The following ACOT9 variants were observed in gnomAD, a reference collection of about 807,000 sequenced individuals.
ACOT9 encodes the protein acyl-CoA thioesterase 9.
In ACOT9, 34 loss-of-function variants were observed where a neutral mutation model predicts 39.7. The observed-to-expected ratio is 0.86, with a 90% CI of 0.65 to 1.14. The LOEUF (loss-of-function observed/expected upper bound fraction) is 1.14. Ranked by LOEUF, ACOT9 falls within the 50% of genes most tolerant of loss-of-function variation. The pLI is 0.00. For missense variants in ACOT9, 313 were observed against 344.1 expected, an observed-to-expected ratio of 0.91 and a Z score of 0.71; for synonymous variants, 110 against 120.5, an observed-to-expected ratio of 0.91 and a Z score of 0.57.
intron 12 of ACOT9, 40 bp downstream of exon 12, chrX:23,705,728 G>A (rs752144686): frequency 8.7e-6 from 10 of 1,150,161 alleles, no homozygotes; most frequent in South Asian, 3.6e-5. Context: ...TATCATGAAC[G>A]GAAGCTATCC....
Position 23,701,342 on chromosome X carries a change from T to C in ACOT9, c.*2552A>G, listed in dbSNP as rs904112244. Among the ~76,000 whole-genome samples the C allele has an allele frequency of 9.0e-6, 1 of 111,270 alleles. No homozygotes were observed. Among genetic ancestry groups the C allele is most frequent in the Non-Finnish European group, 1.9e-5 (1 of 53,077 alleles). The stretch of plus-strand genomic sequence containing the variant: ...TGGCATTACGGCATGGAGAGACAAG[T>C]TATTATAGTACAGCACATGCTTGAT... On this transcript the variant is annotated 3_prime_UTR_variant, in exon 16 of 16. Coordinates refer to ENST00000379303, the MANE Select transcript of ACOT9 (RefSeq NM_001037171.2).
In ACOT9 at chrX:23,730,568, T is replaced by C; in HGVS notation, c.363-4A>G. The C allele has an allele frequency of 8.3e-7, 1 of 1,204,506 alleles. No individual in the cohort carries two copies. The highest frequency in any genetic ancestry group is 3.0e-5 in the East Asian group (1 of 33,804). On this transcript the variant is annotated splice_polypyrimidine_tract_variant and splice_region_variant and intron_variant, in intron 5 of 15. Transcript: ENST00000379303. ...ATCCTCAAGAATCCTGCCAAATCTG[T>C]GAAATAAAGCAAACAGTGAATTAAA...
At chrX:23,718,270 A>G (rs931327401) in intron 8 of ACOT9, among the ~76,000 whole-genome samples, 10 of 111,738 alleles carry the variant, frequency 8.9e-5, no homozygotes, top group Non-Finnish European at 5.6e-5. Flanking sequence ...CCACAGCCAC[A>G]TGACTAGGAA....
intron 3 of ACOT9, among the ~76,000 whole-genome samples, 181 bp from the exon 4 acceptor site, chrX:23,733,398 A>G (rs1929825018): frequency 8.9e-6 from 1 of 111,893 alleles, no homozygotes; most frequent in Non-Finnish European, 1.9e-5. Flanking sequence ...GCTCCCTAAA[A>G]ACCTGAAAGA....
At chrX:23,731,089 G>C (rs1020391104) in intron 4 of ACOT9, 103 bp from the exon 5 acceptor site, 1 of 657,384 alleles carries the variant, frequency 1.5e-6, no homozygotes, top group Non-Finnish European at 2.2e-6. Context: ...GAAAAAGAAG[G>C]TCTGGGCCTA....
chrX:23,725,379 G>A (rs1418342954), intron 6 of ACOT9, among the ~76,000 whole-genome samples: 1 of 103,233 alleles, frequency 9.7e-6, no homozygotes, highest in African/African-American at 3.6e-5. Context: ...GCTGAGGCAG[G>A]AGAACTGCTC....
chrX:23,727,008 C>T (rs746707018), intron 6 of ACOT9, among the ~76,000 whole-genome samples: 21 of 111,758 alleles, frequency 1.9e-4, no homozygotes, highest in African/African-American at 6.2e-4. Flanking sequence ...TTAGTAGAGA[C>T]GGGGTTTCAC....
intron 6 of ACOT9, among the ~76,000 whole-genome samples, chrX:23,727,270 T>C (rs766259462): frequency 9.0e-6 from 1 of 111,722 alleles, no homozygotes; most frequent in Non-Finnish European, 1.9e-5. Flanking sequence ...GTGAACAGGT[T>C]AAAGGGACTG....
chrX:23,731,813 T>C (rs894634840), intron 4 of ACOT9, among the ~76,000 whole-genome samples: 1 of 108,455 alleles, frequency 9.2e-6, no homozygotes, highest in African/African-American at 3.4e-5. Flanking sequence ...GAACAAAAGG[T>C]AAAGAAGAAC....
Position 23,707,900 on chromosome X carries a change from T to G in ACOT9, c.707A>C (p.Glu236Ala). ...ACATTCCCCTTGTCTAAAGAGCTCC[T>G]CTTCCTCTGGGCTTTCAGGGATGAG... is the stretch of plus-strand genomic sequence containing the variant. ...NPLIPESPEE[E>A]ELFRQGELNK... The change falls in exon 10 of 16, where the codon GAG becomes GCG. Residue 236 changes from glutamate to alanine, a missense_variant. Coordinates refer to ENST00000379303, the MANE Select transcript of ACOT9 (RefSeq NM_001037171.2). 8.3e-7 allele frequency: 1 copy of G among 1,203,504 alleles called. No individual in the cohort carries two copies. The highest frequency in any genetic ancestry group is 1.1e-6 in the Non-Finnish European group (1 of 891,227).
rs1052466974 is a variant in ACOT9, at chrX:23,722,682, C to T, written c.472G>A (p.Val158Met). Residue 158 changes from valine (V) to methionine (M), a missense_variant, in exon 7 of 16, where the codon GTG becomes ATG. Physicochemically the swap from Val to Met is conservative, Grantham distance 21. Coordinates refer to ENST00000379303, the MANE Select transcript of ACOT9 (RefSeq NM_001037171.2). ...TGATATCACTTACCAATCTTATCCA[C>T]CAGGGCTGTAACTATCGATAAAGGA... ...MSPLSIVTAL[V>M]DKIDMCKKSL... 1.7e-6 allele frequency: 2 copies of T among 1,187,105 alleles called. No homozygotes were observed. The highest frequency in any genetic ancestry group is 2.2e-5 in the Admixed American group (1 of 44,814).
intron 9 of ACOT9, 45 bp from the exon 10 acceptor site, chrX:23,707,989 T>C (rs1569190213): frequency 9.2e-7 from 1 of 1,087,563 alleles, no homozygotes; most frequent in East Asian, 3.1e-5. Context: ...TATGCCATTA[T>C]CTAATAAAAC....
In ACOT9 at chrX:23,736,017, C is replaced by G. The variant is rs1256335274; in HGVS notation, c.21-1G>C. On this transcript the variant is annotated splice_acceptor_variant, in intron 1 of 15. Coordinates refer to ENST00000379303, the MANE Select transcript of ACOT9 (RefSeq NM_001037171.2). LOFTEE classifies it high-confidence loss of function. Reference sequence around the variant, plus strand: ...CTGCCCTTTGCCCAAGGCACAAAGCCTATAAAACAAGATAAAACACAGAGC... The same window carrying G: ...CTGCCCTTTGCCCAAGGCACAAAGCGTATAAAACAAGATAAAACACAGAGC... The G allele has an allele frequency of 1.7e-6, 2 of 1,204,408 alleles. No homozygotes were observed. The highest frequency in any genetic ancestry group is 2.2e-6 in the Non-Finnish European group (2 of 891,073).
rs34401071 is a variant in ACOT9, at chrX:23,723,599, CAAAA to C, written c.401-850_401-847del. Among the ~76,000 whole-genome samples, 239 of 54,371 alleles carry C rather than the reference CAAAA, an allele frequency of 4.4e-3. 2 individuals carry two copies. Among genetic ancestry groups the C allele is most frequent in the Middle Eastern group, 0.01 (1 of 98 alleles). 47.2% of individuals were successfully genotyped at this position (54,371 alleles called of 115,157 possible). Reference sequence around the variant, plus strand: ...GCCTGGCAACAGAGCAAGACTGTCTCAAAAAAAAAAAAAAAAAAAAAAAAGTTGT... The same window carrying C: ...GCCTGGCAACAGAGCAAGACTGTCTCAAAAAAAAAAAAAAAAAAAAGTTGT... On this transcript the variant is annotated intron_variant, in intron 6 of 15. Coordinates refer to ENST00000379303, the MANE Select transcript of ACOT9 (RefSeq NM_001037171.2).
intron 5 of ACOT9, 51 bp downstream of exon 5, chrX:23,730,765 G>A: frequency 9.0e-7 from 1 of 1,107,266 alleles, no homozygotes; most frequent in Non-Finnish European, 1.2e-6. Context: ...TTTCAAAATT[G>A]TTATAAAACA....
chrX:23,737,550 T>A (rs776472432), intron 1 of ACOT9, among the ~76,000 whole-genome samples: 22 of 112,303 alleles, frequency 2.0e-4, no homozygotes, highest in Admixed American at 1.6e-3. Context: ...TTCTGTAAAA[T>A]CTACATGCAG....
chrX:23,706,321 A>T (rs1159826539), intron 11 of ACOT9, among the ~76,000 whole-genome samples: 1 of 109,444 alleles, frequency 9.1e-6, no homozygotes, highest in Non-Finnish European at 1.9e-5. Flanking sequence ...GCACTTTGGG[A>T]GGTGGAGACA....
chrX:23,716,338 T>A (rs968411438), intron 8 of ACOT9, among the ~76,000 whole-genome samples: 1 of 112,278 alleles, frequency 8.9e-6, no homozygotes, highest in Non-Finnish European at 1.9e-5. Flanking sequence ...CTATTTTGGA[T>A]TTTCGATTTT....
chrX:23,740,762 A>ACACACACC (rs1274920170), intron 1 of ACOT9, among the ~76,000 whole-genome samples: 6 of 87,622 alleles, frequency 6.8e-5, no homozygotes, highest in Non-Finnish European at 1.1e-4. Flanking sequence ...ACACACACAC[A>ACACACACC]CCGCACTGAG....
Sources: gnomAD v4.1 joint callset for allele counts (sites outside exome capture counted in the v4.1 genomes callset) on GRCh38, gnomAD v4.1.1 for gene constraint, MANE v1.5 for transcripts, NCBI Gene and HGNC (gene_info 2026-07-23, HGNC 2026-07-21) for gene names.